The following USP32 variants were observed in gnomAD, a reference collection of about 807,000 sequenced individuals.
The protein encoded by USP32 is ubiquitin specific peptidase 32.
A neutral mutation model predicts 204.8 loss-of-function variants in USP32; 59 were observed. The observed-to-expected ratio is 0.29, with a 90% CI of 0.23 to 0.36. The LOEUF (loss-of-function observed/expected upper bound fraction) is 0.36. Among genes scored for constraint, USP32 ranks in the 10% least tolerant of loss-of-function variants. USP32 has a pLI of 1.00. For synonymous variants in USP32, 517 were observed against 678.4 expected (o/e 0.76, Z 3.70); for missense variants, 1,160 against 1,946.4 (o/e 0.60, Z 7.60).
chr17:60,395,672 C>T (rs1041827190), upstream of USP32, among the ~76,000 whole-genome samples: 1 of 152,174 alleles, frequency 6.6e-6, no homozygotes, highest in Non-Finnish European at 1.5e-5. Flanking sequence ...GTCAGTTGTA[C>T]TTAGGAAACC....
intron 5 of USP32, among the ~76,000 whole-genome samples, chr17:60,284,214 C>CTTT (rs1181309647): frequency 2.3e-5 from 3 of 132,166 alleles, no homozygotes; most frequent in Non-Finnish European, 3.2e-5. Flanking sequence ...TTTTTCTTTT[C>CTTT]TTTTTTTTTT....
intron 5 of USP32, among the ~76,000 whole-genome samples, chr17:60,275,410 T>TGGCACCACTGCACTCCAGCCTAGAC (rs2086816057): frequency 6.6e-6 from 1 of 152,034 alleles, no homozygotes; most frequent in Admixed American, 6.6e-5. Flanking sequence ...TGAGCCGAGA[T>TGGCACCACTGCACTCCAGCCTAGAC]TGCACCACTG....
At chr17:60,179,533 G>A in intron 33 of USP32, 105 bp from the exon 34 acceptor site, 1 of 1,424,360 alleles carries the variant, frequency 7.0e-7, no homozygotes, top group East Asian at 2.3e-5. Flanking sequence ...AAACCTGATT[G>A]CTTCCAATAA....
intron 13 of USP32, among the ~76,000 whole-genome samples, chr17:60,223,917 T>C (rs1320091679): frequency 6.6e-5 from 10 of 152,376 alleles, no homozygotes; most frequent in African/African-American, 2.4e-4. Flanking sequence ...TAGCATCCTT[T>C]AATTATTTTC....
At chr17:60,356,524 T>C (rs532303271) in intron 1 of USP32, among the ~76,000 whole-genome samples, 3 of 152,272 alleles carry the variant, frequency 2.0e-5, no homozygotes, top group African/African-American at 4.8e-5. Flanking sequence ...GCTGAACTTA[T>C]AGGTTCAAGG....
chr17:60,250,394 A>T (rs2086136871), intron 11 of USP32, among the ~76,000 whole-genome samples: 1 of 152,152 alleles, frequency 6.6e-6, no homozygotes, highest in Non-Finnish European at 1.5e-5. Context: ...GCTATAAAGC[A>T]TTATTTCTAC....
At chr17:60,266,845 G>T (rs2086605258) in intron 7 of USP32, among the ~76,000 whole-genome samples, 1 of 151,850 alleles carries the variant, frequency 6.6e-6, no homozygotes. Context: ...TAGTAGAGAC[G>T]GGGTTTCACT....
chr17:60,186,337 T>C (rs905395725), intron 29 of USP32, among the ~76,000 whole-genome samples: 1 of 152,182 alleles, frequency 6.6e-6, no homozygotes, highest in Admixed American at 6.5e-5. Context: ...GCCAGAGCAT[T>C]ATTAGTATGC....
At chr17:60,216,088 A>G (rs1265320853) in intron 16 of USP32, among the ~76,000 whole-genome samples, 6 of 152,258 alleles carry the variant, frequency 3.9e-5, no homozygotes, top group African/African-American at 1.2e-4. Flanking sequence ...GGAAAAAAAA[A>G]AAATCGTATT....
rs757750858 is a variant in USP32 at position 60,198,314 on chromosome 17, G to A, written c.3380C>T (p.Ser1127Phe). 1.2e-5 allele frequency: 19 copies of A among 1,614,026 alleles called. No homozygotes were observed. Among genetic ancestry groups the A allele is most frequent in the Non-Finnish European group, 1.5e-5 (18 of 1,180,018 alleles). Residue 1127 changes from serine (S) to phenylalanine (F), a missense_variant, in exon 27 of 34, where the codon TCC (serine) becomes TTC (phenylalanine). This residue lies in a region of USP32 where 160 missense variants were observed against 322.5 expected (regional missense o/e 0.50). Coordinates refer to ENST00000300896, the MANE Select transcript of USP32 (RefSeq NM_032582.4). ...DLYDAVWIQV[S>F]RLASPLPPQE... ...AGGTGGGAGTGGGCTCGCTAACCGG[G>A]ATACTTGAATCCAAACCGCATCATA...
At chr17:60,298,443 C>T (rs2087493804) in intron 3 of USP32, among the ~76,000 whole-genome samples, 1 of 152,136 alleles carries the variant, frequency 6.6e-6, no homozygotes, top group South Asian at 2.1e-4. Context: ...AACCTATCCA[C>T]ATCCTCCCAT....
Position 60,345,472 on chromosome 17 carries a change from A to C in USP32, c.186+9T>G. 1 of 1,612,932 alleles carries C rather than the reference A, an allele frequency of 6.2e-7. No homozygotes were observed. The highest frequency in any genetic ancestry group is 8.5e-7 in the Non-Finnish European group (1 of 1,179,614). Reference sequence around the variant, plus strand: ...TACCTCAAAGGAAAACTTAGAACAAAAAGATTACCTCAGCAACCTTTGGAG... The same window carrying C: ...TACCTCAAAGGAAAACTTAGAACAACAAGATTACCTCAGCAACCTTTGGAG... On this transcript the variant is annotated intron_variant, in intron 2 of 33. Coordinates refer to ENST00000300896, the MANE Select transcript of USP32 (RefSeq NM_032582.4).
chr17:60,316,138 T>C (rs1297019801), intron 2 of USP32: 3 of 263,234 alleles, frequency 1.1e-5, no homozygotes, highest in Admixed American at 4.6e-5. Flanking sequence ...CATCAACCAC[T>C]CTGCTATCCA....
chr17:60,239,218 C>A (rs1388462242), intron 11 of USP32, among the ~76,000 whole-genome samples: 1 of 152,154 alleles, frequency 6.6e-6, no homozygotes, highest in East Asian at 1.9e-4. Flanking sequence ...TATTGATGAT[C>A]CATTGTATGG....
chr17:60,365,108 C>A (rs545733809), intron 1 of USP32, among the ~76,000 whole-genome samples: 1 of 152,202 alleles, frequency 6.6e-6, no homozygotes, highest in African/African-American at 2.4e-5. Context: ...AGAAAATGTT[C>A]ATTGTTTTCC....
intron 1 of USP32, among the ~76,000 whole-genome samples, chr17:60,410,367 T>A (rs1367343409): frequency 6.6e-6 from 1 of 151,854 alleles, no homozygotes; most frequent in Non-Finnish European, 1.5e-5. Flanking sequence ...CTCCAAACTA[T>A]CCTTTAAAAA....
intron 1 of USP32, among the ~76,000 whole-genome samples, chr17:60,404,845 A>G (rs912632277): frequency 6.6e-6 from 1 of 152,176 alleles, no homozygotes; most frequent in Non-Finnish European, 1.5e-5. Context: ...ACAATCTCCA[A>G]ACAACCAAGG....
chr17:60,354,844 G>A (rs1490852806), intron 1 of USP32, among the ~76,000 whole-genome samples: 2 of 152,108 alleles, frequency 1.3e-5, no homozygotes, highest in Admixed American at 6.5e-5. Context: ...TCAGGAGTTC[G>A]AAACCAACCT....
chr17:60,252,508 C>A lies in USP32; in HGVS notation c.1075-66G>T, dbSNP rs542137603. On this transcript the variant is annotated intron_variant, in intron 10 of 33. Coordinates refer to ENST00000300896, the MANE Select transcript of USP32 (RefSeq NM_032582.4). ...AATATTTCACATTATCTGCATGAGACCCATTTCCTAAATTGGAATCTGAAT... is the reference window on the plus strand; with the variant it reads ...AATATTTCACATTATCTGCATGAGAACCATTTCCTAAATTGGAATCTGAAT... The A allele has an allele frequency of 8.3e-6, 10 of 1,203,420 alleles. No individual in the cohort carries two copies. In the Admixed American group the frequency reaches 2.0e-4, roughly 24 times the overall value. The allele number at this position is 1,203,420 out of a possible 1,614,324, so 74.5% of individuals were successfully genotyped here. A position where few individuals can be genotyped will look rare whatever the true frequency, so the allele number is the denominator to read the frequency against.
Sources: gnomAD v4.1 joint callset for allele counts (sites outside exome capture counted in the v4.1 genomes callset) on GRCh38, gnomAD v4.1.1 for gene constraint, gnomAD v4.1.1 regional missense constraint, MANE v1.5 for transcripts, NCBI Gene and HGNC (gene_info 2026-07-23, HGNC 2026-07-21) for gene names.